The following PROS1 variants were observed in gnomAD, a reference collection of about 807,000 sequenced individuals.
The protein encoded by PROS1 is vitamin K-dependent protein S.
A neutral mutation model predicts 75.9 loss-of-function variants in PROS1; 29 were observed. The ratio of observed to expected loss-of-function variants is 0.38; its 90% CI spans 0.28 to 0.52. PROS1 has a LOEUF of 0.52. Ranked by LOEUF, PROS1 falls within the 20% of genes least tolerant of loss-of-function variation. The pLI is 0.83. For missense variants in PROS1, 680 were observed against 810.3 expected, an observed-to-expected ratio of 0.84 and a Z score of 1.95; for synonymous variants, 245 against 280.6, an observed-to-expected ratio of 0.87 and a Z score of 1.27.
intron 13 of PROS1, among the ~76,000 whole-genome samples, chr3:93,878,459 A>T (rs1176799003): frequency 6.6e-6 from 1 of 152,218 alleles, no homozygotes; most frequent in African/African-American, 2.4e-5. Context: ...TACTGAAAGC[A>T]TCCAAGTCAG....
chr3:93,956,562 AAACACACAC>A (rs1709606340), intron 1 of PROS1, among the ~76,000 whole-genome samples: 1 of 94,248 alleles, frequency 1.1e-5, no homozygotes, highest in African/African-American at 3.3e-5. Flanking sequence ...ACACACACAC[AAACACACAC>A]ACACACACAC....
At chr3:93,929,079 CTAAG>C (rs1228954059) in intron 1 of PROS1, among the ~76,000 whole-genome samples, 1 of 152,118 alleles carries the variant, frequency 6.6e-6, no homozygotes, top group East Asian at 1.9e-4. Context: ...AACTCTGATT[CTAAG>C]TATGTCCTAC....
chr3:93,896,941 T>C (rs952208228), intron 8 of PROS1, among the ~76,000 whole-genome samples: 3 of 152,168 alleles, frequency 2.0e-5, no homozygotes, highest in African/African-American at 7.2e-5. Flanking sequence ...CTTTCGATCT[T>C]TGTCTTTAAT....
chr3:93,921,279 T>G (rs1708940297), intron 3 of PROS1, among the ~76,000 whole-genome samples: 1 of 152,240 alleles, frequency 6.6e-6, no homozygotes, highest in Admixed American at 6.5e-5. Context: ...TGAATATCAT[T>G]TTATTTAGAA....
At chr3:93,910,783 A>C in intron 3 of PROS1, 78 bp from the exon 4 acceptor site, 1 of 1,184,418 alleles carries the variant, frequency 8.4e-7, no homozygotes, top group Non-Finnish European at 1.2e-6. Flanking sequence ...AACTGTCCCA[A>C]GAGGTAGGAC....
At chr3:93,944,588 A>G (rs555212060) in intron 1 of PROS1, among the ~76,000 whole-genome samples, 2 of 152,222 alleles carry the variant, frequency 1.3e-5, no homozygotes, top group South Asian at 2.1e-4. Flanking sequence ...GCAGAAATAA[A>G]GATGTTCTTT....
At chr3:93,964,226 A>T (rs1429636645) in intron 1 of PROS1, among the ~76,000 whole-genome samples, 1 of 152,206 alleles carries the variant, frequency 6.6e-6, no homozygotes, top group Non-Finnish European at 1.5e-5. Flanking sequence ...GAACAAGGGA[A>T]GACAACCATA....
intron 1 of PROS1, among the ~76,000 whole-genome samples, chr3:93,949,134 CT>C (rs1469668398): frequency 4.6e-5 from 7 of 152,278 alleles, no homozygotes. Context: ...CGCTGCTGTC[CT>C]TAAAGTCTCA....
chr3:93,956,563 AACACAC>A (rs35328809), intron 1 of PROS1, among the ~76,000 whole-genome samples: 113 of 128,376 alleles, frequency 8.8e-4, no homozygotes, highest in African/African-American at 1.8e-3. Context: ...CACACACACA[AACACAC>A]ACACACACAC....
chr3:93,895,274 A>T (rs1195251081), intron 9 of PROS1, among the ~76,000 whole-genome samples: 1 of 152,220 alleles, frequency 6.6e-6, no homozygotes, highest in Non-Finnish European at 1.5e-5. Context: ...TGGAGGATCA[A>T]TTGTATTCCT....
intron 7 of PROS1, among the ~76,000 whole-genome samples, chr3:93,900,429 T>C (rs1274497446): frequency 6.6e-6 from 1 of 152,232 alleles, no homozygotes; most frequent in African/African-American, 2.4e-5. Flanking sequence ...ATTGTCTCAA[T>C]AAGATGATTT....
At chr3:93,943,144 G>T (rs544939498) in intron 1 of PROS1, among the ~76,000 whole-genome samples, 74 of 152,212 alleles carry the variant, frequency 4.9e-4, no homozygotes, top group African/African-American at 1.7e-3. Flanking sequence ...TTGGTATTCA[G>T]TAGAACCTTC....
intron 1 of PROS1, among the ~76,000 whole-genome samples, chr3:93,932,654 T>C (rs1709122866): frequency 1.3e-5 from 2 of 152,230 alleles, no homozygotes; most frequent in Admixed American, 6.5e-5. Flanking sequence ...CTCTTTGAAA[T>C]TGTATTCACA....
chr3:93,923,963 C>T (rs565065169), intron 3 of PROS1, among the ~76,000 whole-genome samples: 1 of 151,822 alleles, frequency 6.6e-6, no homozygotes, highest in Admixed American at 6.6e-5. Flanking sequence ...TGTCTAGCAC[C>T]TCAATATAAC....
At chr3:93,960,018 G>T (rs953671606) in intron 1 of PROS1, among the ~76,000 whole-genome samples, 5 of 152,072 alleles carry the variant, frequency 3.3e-5, no homozygotes, top group African/African-American at 1.2e-4. Context: ...ATTACCAAAG[G>T]TTAAATAGGC....
chr3:93,955,843 A>C (rs891443773), intron 1 of PROS1, among the ~76,000 whole-genome samples: 4 of 152,214 alleles, frequency 2.6e-5, no homozygotes, highest in African/African-American at 7.2e-5. Flanking sequence ...TGACAATCAA[A>C]ATATATATTT....
intron 1 of PROS1, among the ~76,000 whole-genome samples, chr3:93,960,343 A>AT (rs1185405563): frequency 2.0e-5 from 3 of 151,478 alleles, no homozygotes; most frequent in East Asian, 1.9e-4. Context: ...TGCCCAGCTA[A>AT]TTTTTTTGTA....
At chr3:93,900,018 T>TAC (rs1708564987) in intron 7 of PROS1, among the ~76,000 whole-genome samples, 1 of 152,200 alleles carries the variant, frequency 6.6e-6, no homozygotes, top group African/African-American at 2.4e-5. Flanking sequence ...CATATATATA[T>TAC]ACAGATACAA....
At chr3:93,908,060 ATTGC>A (rs1306151967) in intron 4 of PROS1, among the ~76,000 whole-genome samples, 2 of 152,134 alleles carry the variant, frequency 1.3e-5, no homozygotes, top group Non-Finnish European at 2.9e-5. Context: ...AAGTGCAAGA[ATTGC>A]TTGAACCTGG....
Sources: gnomAD v4.1 joint callset for allele counts (sites outside exome capture counted in the v4.1 genomes callset) on GRCh38, gnomAD v4.1.1 for gene constraint, MANE v1.5 for transcripts, NCBI Gene and HGNC (gene_info 2026-07-23, HGNC 2026-07-21) for gene names.